The following RBFOX1 variants were observed in gnomAD, a reference collection of about 807,000 sequenced individuals.
RBFOX1 encodes RNA binding protein fox-1 homolog 1.
Under a neutral mutation model 57.7 loss-of-function variants are expected in RBFOX1, and 8 were observed. The observed-to-expected ratio is 0.14, with a 90% CI of 0.08 to 0.25. RBFOX1 has a LOEUF of 0.25. RBFOX1 is among the 10% of genes least tolerant of loss of function. The probability of loss-of-function intolerance (pLI) is 1.00; values close to 1 mark genes in which losing one functional copy is unlikely to be tolerated. For synonymous variants in RBFOX1, 326 were observed against 222.4 expected, an observed-to-expected ratio of 1.47 and a Z score of -4.15; for missense variants, 611 against 548.5, an observed-to-expected ratio of 1.11 and a Z score of -1.14.
intron 1 of RBFOX1, among the ~76,000 whole-genome samples, chr16:6,180,519 T>C (rs1208732340): frequency 6.6e-6 from 1 of 151,822 alleles, no homozygotes; most frequent in Non-Finnish European, 1.5e-5. Context: ...TTTTTTTTTT[T>C]CTTGGTCATT....
chr16:6,293,638 G>C (rs1373621855), intron 1 of RBFOX1, among the ~76,000 whole-genome samples: 2 of 152,168 alleles, frequency 1.3e-5, no homozygotes, highest in African/African-American at 4.8e-5. Context: ...TCTTTTAATA[G>C]AGGTGTGAAT....
intron 3 of RBFOX1, among the ~76,000 whole-genome samples, chr16:6,899,683 A>G (rs1210072528): frequency 6.6e-6 from 1 of 152,206 alleles, no homozygotes; most frequent in African/African-American, 2.4e-5. Flanking sequence ...AATTGGAATT[A>G]TCTCTACAGA....
intron 1 of RBFOX1, among the ~76,000 whole-genome samples, chr16:6,276,189 G>A (rs1275666232): frequency 1.3e-5 from 2 of 152,178 alleles, no homozygotes; most frequent in African/African-American, 4.8e-5. Context: ...CAAAGTGGAA[G>A]GGAACAAGTG....
chr16:7,289,024 G>A lies in RBFOX1; in HGVS notation c.28-229123G>A, dbSNP rs573873205. 7.3e-4 allele frequency among the ~76,000 whole-genome samples: 111 copies of A among 152,260 alleles called. 1 individual carries two copies. The highest frequency in any genetic ancestry group is 2.6e-3 in the African/African-American group (110 of 41,544). ...TTAGAGGAAGTATGGGCACCCTGGA[G>A]GTTAGTGTTTTCACTAAAAAGATCA... is the stretch of plus-strand genomic sequence containing the variant. On this transcript the variant is annotated intron_variant, in intron 4 of 15. Coordinates refer to ENST00000550418, the MANE Select transcript of RBFOX1 (RefSeq NM_018723.4).
chr16:7,670,648 C>G (rs116243038), intron 13 of RBFOX1, among the ~76,000 whole-genome samples: 1 of 152,196 alleles, frequency 6.6e-6, no homozygotes, highest in East Asian at 1.9e-4. Context: ...GGCATCGCTC[C>G]GTAAGCTTAG....
intron 4 of RBFOX1, among the ~76,000 whole-genome samples, chr16:7,444,808 A>G (rs1405636230): frequency 1.3e-5 from 2 of 152,168 alleles, no homozygotes; most frequent in East Asian, 3.9e-4. Flanking sequence ...TTGGGGTTAC[A>G]GGCATAAGCC....
chr16:5,900,123 C>G (rs1483102114), intron 4 of RBFOX1, among the ~76,000 whole-genome samples: 1 of 152,178 alleles, frequency 6.6e-6, no homozygotes, highest in Non-Finnish European at 1.5e-5. Context: ...ACAACGTTGT[C>G]TATGCTTATA....
chr16:5,507,747 G>A (rs1555453011), intron 2 of RBFOX1, among the ~76,000 whole-genome samples: 1 of 152,162 alleles, frequency 6.6e-6, no homozygotes, highest in Non-Finnish European at 1.5e-5. Context: ...GAGGAAAAAG[G>A]CCATGTGAAG....
At chr16:5,264,272 A>G (rs2062807089) in intron 1 of RBFOX1, among the ~76,000 whole-genome samples, 1 of 152,150 alleles carries the variant, frequency 6.6e-6, no homozygotes, top group African/African-American at 2.4e-5. Flanking sequence ...ATAAAGAGCC[A>G]CCGTTTGATG....
At chr16:5,981,050 G>T (rs1199192697) in intron 4 of RBFOX1, among the ~76,000 whole-genome samples, 2 of 152,294 alleles carry the variant, frequency 1.3e-5, no homozygotes, top group East Asian at 3.9e-4. Flanking sequence ...CCCAGGCTAC[G>T]TTCCTCTTGA....
At chr16:6,459,441 C>G (rs1415789411) in intron 2 of RBFOX1, among the ~76,000 whole-genome samples, 1 of 152,108 alleles carries the variant, frequency 6.6e-6, no homozygotes, top group Admixed American at 6.5e-5. Flanking sequence ...TTTAGGTACA[C>G]CAAGAATTTA....
intron 4 of RBFOX1, among the ~76,000 whole-genome samples, chr16:7,064,972 C>T (rs572915809): frequency 6.6e-6 from 1 of 152,280 alleles, no homozygotes; most frequent in Admixed American, 6.5e-5. Flanking sequence ...GTCCTTGGCT[C>T]CCTGTGTGTC....
intron 3 of RBFOX1, among the ~76,000 whole-genome samples, chr16:7,009,458 A>T (rs181880741): frequency 1.3e-5 from 2 of 152,018 alleles, no homozygotes; most frequent in Non-Finnish European, 2.9e-5. Context: ...ACACACGGCC[A>T]TAGGAATATA....
chr16:6,116,524 C>T (rs564210386), intron 1 of RBFOX1, among the ~76,000 whole-genome samples: 3 of 152,136 alleles, frequency 2.0e-5, no homozygotes, highest in African/African-American at 4.8e-5. Flanking sequence ...AATATGATAA[C>T]CACAACTGCT....
At chr16:6,128,173 A>G (rs1197422542) in intron 1 of RBFOX1, among the ~76,000 whole-genome samples, 1 of 152,196 alleles carries the variant, frequency 6.6e-6, no homozygotes, top group Non-Finnish European at 1.5e-5. Flanking sequence ...TTTTTGTATC[A>G]ATTATTCAAT....
At chr16:5,339,470 G>GTTTTTTGTTTTTTTTTTT (rs2064982780) in intron 1 of RBFOX1, among the ~76,000 whole-genome samples, 1 of 40,854 alleles carries the variant, frequency 2.4e-5, no homozygotes, top group African/African-American at 8.2e-5. Context: ...CTTTTTCCGT[G>GTTTTTTGTTTTTTTTTTT]TTTTTTTTTT....
intron 1 of RBFOX1, among the ~76,000 whole-genome samples, chr16:6,075,434 T>C (rs1449390475): frequency 6.6e-6 from 1 of 152,246 alleles, no homozygotes; most frequent in Non-Finnish European, 1.5e-5. Flanking sequence ...GAAAAAGCCA[T>C]GTCTTATGAA....
intron 3 of RBFOX1, among the ~76,000 whole-genome samples, chr16:6,796,096 G>C (rs570685951): frequency 6.6e-6 from 1 of 152,100 alleles, no homozygotes; most frequent in Non-Finnish European, 1.5e-5. Context: ...ACATTTCCAC[G>C]TGGCTGGGGA....
chr16:5,572,029 G>C (rs953275914), intron 2 of RBFOX1, among the ~76,000 whole-genome samples: 98 of 152,268 alleles, frequency 6.4e-4, no homozygotes, highest in Middle Eastern at 3.4e-3. Flanking sequence ...ACACTGCAAA[G>C]AGGAACACAA....
Sources: gnomAD v4.1 joint callset for allele counts (sites outside exome capture counted in the v4.1 genomes callset) on GRCh38, gnomAD v4.1.1 for gene constraint, MANE v1.5 for transcripts, NCBI Gene and HGNC (gene_info 2026-07-23, HGNC 2026-07-21) for gene names.